Variants in REEP3 observed in about 807,000 individuals in gnomAD.
REEP3 encodes receptor expression-enhancing protein 3.
In REEP3, 20 loss-of-function variants were observed where a neutral mutation model predicts 41.3. The observed-to-expected ratio is 0.48, with a 90% CI of 0.34 to 0.70. The LOEUF is 0.70. Among genes scored for constraint, REEP3 ranks in the 30% least tolerant of loss-of-function variants. REEP3 has a pLI of 0.01. For missense variants in REEP3, 271 were observed against 308.8 expected (o/e 0.88, Z 0.92); for synonymous variants, 104 against 101.8 (o/e 1.02, Z -0.13).
chr10:63,598,391 G>A (rs796116848), intron 4 of REEP3, among the ~76,000 whole-genome samples: 1 of 151,186 alleles, frequency 6.6e-6, no homozygotes, highest in East Asian at 2.0e-4. Context: ...GGCTGAGGCA[G>A]GAGAATCGCT....
chr10:63,560,591 G>A (rs1264479066), intron 1 of REEP3, among the ~76,000 whole-genome samples: 1 of 152,074 alleles, frequency 6.6e-6, no homozygotes, highest in African/African-American at 2.4e-5. Context: ...CATTAGTCGG[G>A]GTGAACAGTA....
rs187476902 is a variant in REEP3 at position 63,575,056 on chromosome 10, A to G, written c.105+8646A>G. Reference sequence around the variant, plus strand: ...TTTTTAGAAGAGATGGGGTTTCACCATATTGGCCAAGCTGGTCTCGAACTC... The same window carrying G: ...TTTTTAGAAGAGATGGGGTTTCACCGTATTGGCCAAGCTGGTCTCGAACTC... On this transcript the variant is annotated intron_variant, in intron 2 of 7. Transcript: ENST00000373758. Among the ~76,000 whole-genome samples the G allele has an allele frequency of 2.0e-5, 3 of 151,924 alleles. No homozygotes were observed. The East Asian group carries it at 5.8e-4, about 29-fold the overall frequency.
chr10:63,539,258 G>GTTTATTA (rs1955504258), intron 1 of REEP3, among the ~76,000 whole-genome samples: 1 of 151,810 alleles, frequency 6.6e-6, no homozygotes, highest in Non-Finnish European at 1.5e-5. Context: ...GGTTTATTAG[G>GTTTATTA]GTCTTATGTT....
chr10:63,616,303 G>A (rs1589890587), intron 6 of REEP3, among the ~76,000 whole-genome samples: 2 of 152,180 alleles, frequency 1.3e-5, no homozygotes, highest in East Asian at 3.9e-4. Context: ...ATGCCCTCTG[G>A]CACCTTGTCA....
intron 5 of REEP3, among the ~76,000 whole-genome samples, chr10:63,604,055 C>T (rs540117619): frequency 8.5e-5 from 13 of 152,116 alleles, no homozygotes; most frequent in Non-Finnish European, 1.8e-4. Context: ...ATCTTTCAGG[C>T]TTAAAATTCT....
chr10:63,555,043 T>C (rs1321613914), intron 1 of REEP3, among the ~76,000 whole-genome samples: 1 of 152,152 alleles, frequency 6.6e-6, no homozygotes, highest in African/African-American at 2.4e-5. Context: ...CCTTTTAGAA[T>C]AGAAATTATA....
chr10:63,529,932 C>T (rs1254106959), intron 1 of REEP3, among the ~76,000 whole-genome samples: 1 of 151,986 alleles, frequency 6.6e-6, no homozygotes, highest in Non-Finnish European at 1.5e-5. Flanking sequence ...GTGGCCACCA[C>T]CATGCCCTGC....
chr10:63,555,309 T>C (rs1465620168), intron 1 of REEP3, among the ~76,000 whole-genome samples: 1 of 152,226 alleles, frequency 6.6e-6, no homozygotes, highest in Non-Finnish European at 1.5e-5. Flanking sequence ...TTCATATTTT[T>C]CTTTAAGGTT....
At chr10:63,586,403 A>G (rs1441808840) in intron 2 of REEP3, among the ~76,000 whole-genome samples, 1 of 152,198 alleles carries the variant, frequency 6.6e-6, no homozygotes, top group Non-Finnish European at 1.5e-5. Flanking sequence ...AACTTGCCTA[A>G]TTATAAGAGC....
intron 5 of REEP3, chr10:63,599,738 T>C (rs1461793049): frequency 2.1e-6 from 2 of 968,178 alleles, no homozygotes; most frequent in African/African-American, 1.8e-5. Flanking sequence ...AAATAAGGCA[T>C]GAAAAAGTCT....
At chr10:63,522,969 G>C (rs1041455680) in intron 1 of REEP3, among the ~76,000 whole-genome samples, 3 of 143,552 alleles carry the variant, frequency 2.1e-5, no homozygotes, top group African/African-American at 5.2e-5. Context: ...TCTATCAACT[G>C]TTGTGTCCAC....
intron 1 of REEP3, among the ~76,000 whole-genome samples, chr10:63,561,389 GGGAAGAAAGAAGA>G (rs1955738138): frequency 6.6e-6 from 1 of 152,126 alleles, no homozygotes; most frequent in African/African-American, 2.4e-5. Context: ...AATAAAGACC[GGGAAGAAAGAAGA>G]GGAAGAAAGA....
Position 63,598,343 on chromosome 10 carries a change from G to T in REEP3, c.303+199G>T, listed in dbSNP as rs1457191590. ...AAAAATACAAAAAAAAATTAACCAGGTATGGTGGTGCATGCCTGTAACCCC... is the reference window on the plus strand; with the variant it reads ...AAAAATACAAAAAAAAATTAACCAGTTATGGTGGTGCATGCCTGTAACCCC... On this transcript the variant is annotated intron_variant, in intron 4 of 7. Coordinates refer to ENST00000373758, the MANE Select transcript of REEP3 (RefSeq NM_001001330.3). Among the ~76,000 whole-genome samples, 3 of 151,702 alleles carry T rather than the reference G, an allele frequency of 2.0e-5. No individual in the cohort carries two copies. The East Asian group carries it at 5.8e-4, about 29-fold the overall frequency.
chr10:63,584,261 T>C (rs1955982548), intron 2 of REEP3, among the ~76,000 whole-genome samples: 1 of 152,118 alleles, frequency 6.6e-6, no homozygotes, highest in Non-Finnish European at 1.5e-5. Context: ...ACAATGTTGC[T>C]GCCAGTTCCG....
rs975965978 is a variant in REEP3 at position 63,537,961 on chromosome 10, CG to C, written c.32+16385del. Among the ~76,000 whole-genome samples, 181 of 143,196 alleles carry C rather than the reference CG, an allele frequency of 1.3e-3. 1 individual carries two copies. The highest frequency in any genetic ancestry group is 4.2e-3 in the African/African-American group (161 of 38,708). 93.9% of individuals were successfully genotyped at this position (143,196 alleles called of 152,430 possible). A position where few individuals can be genotyped will look rare whatever the true frequency, so the allele number is the denominator to read the frequency against. ...CCACTTAAAAGCTTTCTTCCCCCCC[CG>C]ACCCCCATTGATTTCTTGTCTATTC... On this transcript the variant is annotated intron_variant, in intron 1 of 7. Transcript: ENST00000373758.
intron 2 of REEP3, among the ~76,000 whole-genome samples, chr10:63,573,277 AT>A (rs1955869548): frequency 6.6e-6 from 1 of 152,216 alleles, no homozygotes; most frequent in Admixed American, 6.5e-5. Context: ...TGTGGCTGAT[AT>A]GGCCTACTTA....
chr10:63,522,624 GC>G (rs1955293030), intron 1 of REEP3, among the ~76,000 whole-genome samples: 1 of 152,120 alleles, frequency 6.6e-6, no homozygotes, highest in African/African-American at 2.4e-5. Flanking sequence ...TCTCTGATAA[GC>G]TTTAGAATTT....
intron 1 of REEP3, among the ~76,000 whole-genome samples, chr10:63,526,943 A>G (rs567435545): frequency 6.6e-6 from 1 of 152,282 alleles, no homozygotes; most frequent in Admixed American, 6.5e-5. Flanking sequence ...TAAATGTAAA[A>G]TTAGATACTA....
chr10:63,573,888 C>A lies in REEP3; in HGVS notation c.105+7478C>A, dbSNP rs6479908. ...TAATTTAGAAAGTTTAAAGATTAGC[C>A]TACTGATTATGATGGGATTTTTACT... On this transcript the variant is annotated intron_variant, in intron 2 of 7. Transcript: ENST00000373758. Among the ~76,000 whole-genome samples, 17 of 152,046 alleles carry A rather than the reference C, an allele frequency of 1.1e-4. No individual in the cohort carries two copies. The South Asian group carries it at 2.5e-3, about 22-fold the overall frequency.
Sources: allele counts gnomAD v4.1 joint callset (sites outside exome capture counted in the v4.1 genomes callset), GRCh38; gene constraint gnomAD v4.1.1; transcripts MANE v1.5; gene names NCBI Gene and HGNC (gene_info 2026-07-23, HGNC 2026-07-21).